WDR41: variants seen among roughly 807,000 people sequenced by gnomAD.
WDR41 encodes the protein WD repeat-containing protein 41.
Under a neutral mutation model 69.3 loss-of-function variants are expected in WDR41, and 63 were observed. That is an observed-to-expected ratio of 0.91 (90% CI 0.74 to 1.12). WDR41 has a LOEUF of 1.12. WDR41 is among the 50% of genes most tolerant of loss of function. The pLI is 0.00. For synonymous variants in WDR41, 185 were observed against 192.1 expected, an observed-to-expected ratio of 0.96 and a Z score of 0.31; for missense variants, 543 against 534.5, an observed-to-expected ratio of 1.02 and a Z score of -0.16.
At chr5:77,452,106 C>T (rs1352287204) in intron 6 of WDR41, 2 of 151,598 alleles carry the variant, frequency 1.3e-5, no homozygotes, top group Non-Finnish European at 2.9e-5. Context: ...TAGTCATTTG[C>T]TTATCCTTCC....
chr5:77,519,672 A>T (rs1177244510), intron 1 of WDR41, among the ~76,000 whole-genome samples: 1 of 151,922 alleles, frequency 6.6e-6, no homozygotes, highest in Non-Finnish European at 1.5e-5. Flanking sequence ...AATATTTTTT[A>T]AAAATCATGT....
intron 2 of WDR41, among the ~76,000 whole-genome samples, chr5:77,466,466 T>A (rs1474675663): frequency 6.6e-6 from 1 of 151,898 alleles, no homozygotes; most frequent in Non-Finnish European, 1.5e-5. Flanking sequence ...CATCAATTTC[T>A]ATTGATTCTT....
intron 1 of WDR41, among the ~76,000 whole-genome samples, chr5:77,577,799 T>C (rs1743860571): frequency 6.6e-6 from 1 of 152,136 alleles, no homozygotes; most frequent in South Asian, 2.1e-4. Context: ...TATTATGGAG[T>C]TATGTCCCAA....
chr5:77,441,379 A>T (rs1244902245), intron 8 of WDR41, among the ~76,000 whole-genome samples: 16 of 152,144 alleles, frequency 1.1e-4, no homozygotes, highest in Admixed American at 1.0e-3. Context: ...ACTTTTAGGA[A>T]TGTGGAGTGG....
intron 1 of WDR41, among the ~76,000 whole-genome samples, chr5:77,539,888 T>A (rs1054251899): frequency 1.9e-4 from 29 of 152,178 alleles, no homozygotes; most frequent in Admixed American, 4.6e-4. Flanking sequence ...GATTCTAAGA[T>A]GGTACCTAAC....
intron 5 of WDR41, 149 bp from the exon 6 acceptor site, chr5:77,454,077 T>C: frequency 1.6e-6 from 1 of 635,634 alleles, no homozygotes; most frequent in Non-Finnish European, 2.8e-6. Flanking sequence ...CACTACTAAG[T>C]GACTAGCTTC....
chr5:77,479,224 T>G (rs1801107635), intron 2 of WDR41, among the ~76,000 whole-genome samples: 1 of 151,502 alleles, frequency 6.6e-6, no homozygotes, highest in South Asian at 2.1e-4. Flanking sequence ...GAAGAATCAG[T>G]ACCGTGAAAA....
At chr5:77,495,010 G>T (rs77848233), upstream of WDR41, among the ~76,000 whole-genome samples, 2,800 of 152,208 alleles carry the variant, frequency 0.018, 64 homozygotes, top group African/African-American at 0.055. Context: ...TCACAAATGT[G>T]TTGAAATTAA....
intron 2 of WDR41, among the ~76,000 whole-genome samples, chr5:77,472,239 A>G (rs906675361): frequency 3.3e-5 from 5 of 152,100 alleles, no homozygotes; most frequent in African/African-American, 1.2e-4. Flanking sequence ...CATGCTAAAA[A>G]CTCTCAATAA....
intron 1 of WDR41, among the ~76,000 whole-genome samples, chr5:77,519,997 G>A (rs917612562): frequency 6.6e-6 from 1 of 151,662 alleles, no homozygotes; most frequent in South Asian, 2.1e-4. Flanking sequence ...ATGTTTTTAG[G>A]CCTCTAAGTT....
intron 11 of WDR41, among the ~76,000 whole-genome samples, chr5:77,436,855 T>C (rs1187703524): frequency 4.6e-5 from 7 of 152,198 alleles, no homozygotes; most frequent in Admixed American, 6.5e-5. Flanking sequence ...GGTAACTAAT[T>C]TATTCAACCC....
rs931596781 is a variant in WDR41 at position 77,475,802 on chromosome 5, C to T, written c.168-10993G>A. The stretch of plus-strand genomic sequence containing the variant: ...AAGGAACGCAGTTCCTCACCAGCAA[C>T]GGAACAAAGCTGGATGGAGAATGAC... On this transcript the variant is annotated intron_variant, in intron 2 of 12. Transcript: ENST00000296679. Among the ~76,000 whole-genome samples the T allele has an allele frequency of 1.1e-3, 161 of 152,108 alleles. 1 individual carries two copies. Among genetic ancestry groups the T allele is most frequent in the Admixed American group, 0.01 (153 of 15,272 alleles).
chr5:77,516,000 C>A (rs180681352), intron 1 of WDR41, among the ~76,000 whole-genome samples: 1 of 151,944 alleles, frequency 6.6e-6, no homozygotes, highest in Non-Finnish European at 1.5e-5. Context: ...TTTAGTATTC[C>A]CAATTTATTT....
chr5:77,472,438 G>A (rs431779), intron 2 of WDR41, among the ~76,000 whole-genome samples: 109,568 of 147,628 alleles, frequency 0.74, 41,307 homozygotes, highest in African/African-American at 0.87. Flanking sequence ...ATTAGGCAGG[G>A]GAAGGAAATA....
intron 1 of WDR41, among the ~76,000 whole-genome samples, chr5:77,506,813 C>T (rs1802115102): frequency 6.6e-6 from 1 of 151,586 alleles, no homozygotes. Context: ...CATATGTTCT[C>T]AGTCATTGGT....
At chr5:77,558,118 A>AAAAAAAAAAAAG (rs1743447677) in intron 1 of WDR41, among the ~76,000 whole-genome samples, 1 of 144,018 alleles carries the variant, frequency 6.9e-6, no homozygotes, top group African/African-American at 2.6e-5. Context: ...AAAAAAAAAC[A>AAAAAAAAAAAAG]AAACAGGAGT....
At chr5:77,615,791 G>A (rs1253366539) in intron 1 of WDR41, among the ~76,000 whole-genome samples, 1 of 150,644 alleles carries the variant, frequency 6.6e-6, no homozygotes, top group Non-Finnish European at 1.5e-5. Flanking sequence ...TCAGAGGTTC[G>A]AGACCACCCT....
intron 2 of WDR41, among the ~76,000 whole-genome samples, chr5:77,478,948 T>C (rs1028622293): frequency 4.0e-5 from 6 of 151,816 alleles, no homozygotes; most frequent in African/African-American, 1.5e-4. Context: ...GCCCAAAATC[T>C]CCTTAAGCTG....
intron 8 of WDR41, among the ~76,000 whole-genome samples, chr5:77,442,776 C>G (rs1799215642): frequency 6.7e-6 from 1 of 150,064 alleles, no homozygotes; most frequent in Admixed American, 6.7e-5. Context: ...CCTGTAGTCC[C>G]AGCTACTCGG....
Sources: allele counts gnomAD v4.1 joint callset (sites outside exome capture counted in the v4.1 genomes callset), GRCh38; gene constraint gnomAD v4.1.1; transcripts MANE v1.5; gene names NCBI Gene and HGNC (gene_info 2026-07-23, HGNC 2026-07-21).